The following UBXN4 variants were observed in gnomAD, a reference collection of about 807,000 sequenced individuals.
The protein encoded by UBXN4 is UBX domain protein 4, also known as UBX domain-containing protein 4.
In UBXN4, 35 loss-of-function variants were observed where a neutral mutation model predicts 66.2. The ratio of observed to expected loss-of-function variants is 0.53; its 90% confidence interval spans 0.40 to 0.70. The LOEUF (loss-of-function observed/expected upper bound fraction) is 0.70, where lower values mean the gene tolerates loss of function less well. Among genes scored for constraint, UBXN4 ranks in the 30% least tolerant of loss-of-function variants. The probability of loss-of-function intolerance (pLI) is 0.00; values close to 1 mark genes in which losing one functional copy is unlikely to be tolerated. For missense variants in UBXN4, 533 were observed against 599.8 expected, an observed-to-expected ratio of 0.89 and a Z score of 1.16; for synonymous variants, 203 against 204.5, an observed-to-expected ratio of 0.99 and a Z score of 0.06.
At chr2:135,777,798 G>A (rs367628333) in intron 10 of UBXN4, among the ~76,000 whole-genome samples, 1 of 151,668 alleles carries the variant, frequency 6.6e-6, no homozygotes, top group Non-Finnish European at 1.5e-5. Context: ...CAGGAGAATC[G>A]CTTGAACCCA....
At position 135,776,328 on chromosome 2, in the gene UBXN4, G is replaced by T; in HGVS notation, c.1030G>T (p.Glu344Ter). 1.2e-6 allele frequency: 2 copies of T among 1,613,902 alleles called. No homozygotes were observed. The highest frequency in any genetic ancestry group is 1.7e-6 in the Non-Finnish European group (2 of 1,179,898). Residue 344 changes from glutamate (E) to a stop codon, truncating the protein, a stop_gained, in exon 10 of 13, where the codon GAG becomes TAG. Transcript: ENST00000272638. LOFTEE classifies it high-confidence loss of function. ...GTTCCCTTCTGATGCTCCTCTAGAA[G>T]AGGCAAGGCAGTTTGCTGCACAGGT... ...NQFPSDAPLE[E>*]ARQFAAQTVG...
chr2:135,741,924 G>T lies in UBXN4; in HGVS notation c.-6G>T, dbSNP rs374676313. 2.2e-5 allele frequency: 36 copies of T among 1,611,426 alleles called. No homozygotes were observed. The highest frequency in any genetic ancestry group is 3.1e-5 in the Non-Finnish European group (36 of 1,179,000). ...ACCGAGCGAGCGCCTGGGCCCGAAG[G>T]GAGCGATGCTGTGGTTCCAGGGCGC... On this transcript the variant is annotated 5_prime_UTR_variant, in exon 1 of 13. Transcript: ENST00000272638.
chr2:135,743,180 A>G (rs2077188043), intron 1 of UBXN4, among the ~76,000 whole-genome samples: 1 of 152,236 alleles, frequency 6.6e-6, no homozygotes, highest in Admixed American at 6.5e-5. Context: ...GAATTACTGA[A>G]ATGTGAATGT....
intron 6 of UBXN4, among the ~76,000 whole-genome samples, chr2:135,765,134 A>G: frequency 6.6e-6 from 1 of 152,156 alleles, no homozygotes; most frequent in East Asian, 1.9e-4. Context: ...ATGTTTCACT[A>G]AAGTAACAGA....
intron 3 of UBXN4, 106 bp downstream of exon 3, chr2:135,753,673 A>AGTAT (rs1271399861): frequency 9.9e-7 from 1 of 1,010,246 alleles, no homozygotes; most frequent in South Asian, 2.0e-5. Flanking sequence ...GAAATCATAC[A>AGTAT]TTCTTTTTTA....
chr2:135,754,639 T>C (rs747683981), intron 4 of UBXN4, among the ~76,000 whole-genome samples: 2 of 152,026 alleles, frequency 1.3e-5, no homozygotes, highest in Non-Finnish European at 2.9e-5. Flanking sequence ...TGGAATATTT[T>C]TGGAGCCCCT....
chr2:135,742,342 C>T (rs1317966549), intron 1 of UBXN4, among the ~76,000 whole-genome samples: 1 of 152,172 alleles, frequency 6.6e-6, no homozygotes, highest in East Asian at 1.9e-4. Flanking sequence ...CCCACCGCTG[C>T]GTCTCCCGGC....
intron 6 of UBXN4, among the ~76,000 whole-genome samples, chr2:135,766,629 A>G (rs567005263): frequency 6.6e-6 from 1 of 152,354 alleles, no homozygotes; most frequent in African/African-American, 2.4e-5. Flanking sequence ...GATTCAGGTT[A>G]AACTCTGATA....
chr2:135,775,446 A>G (rs545687002), intron 9 of UBXN4, among the ~76,000 whole-genome samples: 3 of 152,302 alleles, frequency 2.0e-5, no homozygotes, highest in African/African-American at 7.2e-5. Context: ...CTCATACAAC[A>G]ATGTTTTTCA....
intron 1 of UBXN4, among the ~76,000 whole-genome samples, chr2:135,747,198 AT>A (rs960322072): frequency 6.9e-6 from 1 of 144,416 alleles, no homozygotes; most frequent in African/African-American, 2.6e-5. Context: ...ATACAAAAAA[AT>A]TAGCTGGGCG....
intron 7 of UBXN4, 132 bp from the exon 8 acceptor site, chr2:135,770,439 C>T: frequency 1.8e-6 from 1 of 552,800 alleles, no homozygotes; most frequent in South Asian, 3.1e-5. Flanking sequence ...ATTAACCATG[C>T]CATTAATAAA....
At position 135,776,373 on chromosome 2, in the gene UBXN4, T is replaced by C. The variant is rs371398703; in HGVS notation, c.1053+22T>C. On this transcript the variant is annotated intron_variant, in intron 10 of 12. Coordinates refer to ENST00000272638, the MANE Select transcript of UBXN4 (RefSeq NM_014607.4). ...ACAGGTAAATTTATGTCTTGAGTTG[T>C]AGTAAAAATAGATGTGTAGGTTACT... The C allele has an allele frequency of 1.5e-4, 241 of 1,582,628 alleles. No individual in the cohort carries two copies. In the African/African-American group the frequency reaches 2.8e-3, roughly 18 times the overall value.
At chr2:135,756,485 C>T (rs2077279026) in intron 5 of UBXN4, among the ~76,000 whole-genome samples, 2 of 152,084 alleles carry the variant, frequency 1.3e-5, no homozygotes, top group African/African-American at 4.8e-5. Context: ...ATTAATGCTG[C>T]CTTGTGGAGT....
At position 135,769,814 on chromosome 2, in the gene UBXN4, G is replaced by A; in HGVS notation, c.648G>A (p.Glu216=). 3 of 1,597,772 alleles carry A rather than the reference G, an allele frequency of 1.9e-6. No homozygotes were observed. The highest frequency in any genetic ancestry group is 2.3e-5 in the East Asian group (1 of 44,436). The change falls in exon 7 of 13, where the codon GAG becomes GAA. Residue 216 remains glutamate, a synonymous_variant. Transcript: ENST00000272638. ...LEERREEKRK[E]EEQREIKKEI... ...AAAGGAGAGAAGAGAAAAGAAAAGA[G>A]GAAGAACAGGTAAAGTTCATGCAGT...
At chr2:135,747,809 TG>T in intron 1 of UBXN4, 1 of 395,538 alleles carries the variant, frequency 2.5e-6, no homozygotes, top group South Asian at 1.9e-5. Flanking sequence ...TAAGTAGAGA[TG>T]GGGTTTTACC....
intron 6 of UBXN4, among the ~76,000 whole-genome samples, chr2:135,766,326 G>A (rs1375080864): frequency 1.3e-5 from 2 of 152,116 alleles, no homozygotes; most frequent in Non-Finnish European, 2.9e-5. Context: ...TTTTCAGATG[G>A]TGTATATTTT....
At chr2:135,749,735 T>C (rs528428572) in intron 2 of UBXN4, among the ~76,000 whole-genome samples, 2 of 152,372 alleles carry the variant, frequency 1.3e-5, no homozygotes, top group Admixed American at 1.3e-4. Flanking sequence ...TTTTCAGTTG[T>C]CTCATCAAAG....
At chr2:135,781,525 T>C (rs1304139938) in intron 12 of UBXN4, among the ~76,000 whole-genome samples, 1 of 152,210 alleles carries the variant, frequency 6.6e-6, no homozygotes, top group Non-Finnish European at 1.5e-5. Flanking sequence ...GCCCTCAGTA[T>C]GGAGAAGCCC....
At chr2:135,780,464 T>C (rs375525231) in intron 12 of UBXN4, 79 bp downstream of exon 12, 7 of 1,430,450 alleles carry the variant, frequency 4.9e-6, no homozygotes, top group East Asian at 4.6e-5. Context: ...GTTGAGTACT[T>C]TGCCTTTCTG....
Sources: gnomAD v4.1 joint callset for allele counts (sites outside exome capture counted in the v4.1 genomes callset) on GRCh38, gnomAD v4.1.1 for gene constraint, MANE v1.5 for transcripts, NCBI Gene and HGNC (gene_info 2026-07-23, HGNC 2026-07-21) for gene names.